The following BTF3L4 variants were observed in gnomAD, a reference collection of about 807,000 sequenced individuals.
The protein encoded by BTF3L4 is basic transcription factor 3 like 4.
BTF3L4 carries 6 observed loss-of-function variants against 16.8 expected under a neutral mutation model. The ratio of observed to expected loss-of-function variants is 0.36; its 90% CI spans 0.20 to 0.71. The LOEUF is 0.71. BTF3L4 is among the 30% of genes least tolerant of loss of function. The probability of loss-of-function intolerance (pLI) is 0.58; values close to 1 mark genes in which losing one functional copy is unlikely to be tolerated. For synonymous variants in BTF3L4, 39 were observed against 59.8 expected (o/e 0.65, Z 1.60); for missense variants, 92 against 186.9 (o/e 0.49, Z 2.96).
intron 3 of BTF3L4, among the ~76,000 whole-genome samples, chr1:52,069,957 C>G (rs1446173244): frequency 6.6e-6 from 1 of 152,114 alleles, no homozygotes; most frequent in African/African-American, 2.4e-5. Context: ...TGGCTCACTC[C>G]TGTAATCGTA....
chr1:52,085,684 T>C (rs1288506441), intron 4 of BTF3L4, among the ~76,000 whole-genome samples: 1 of 151,984 alleles, frequency 6.6e-6, no homozygotes, highest in Non-Finnish European at 1.5e-5. Flanking sequence ...ACCCCATCTC[T>C]ACTAAAAATA....
chr1:52,086,564 C>A, intron 5 of BTF3L4, 148 bp from the exon 6 acceptor site: 1 of 535,576 alleles, frequency 1.9e-6, no homozygotes, highest in Non-Finnish European at 3.4e-6. Flanking sequence ...AGTAAAATGC[C>A]ACCAGTTCAT....
chr1:52,072,954 A>G (rs1686829430), intron 3 of BTF3L4, among the ~76,000 whole-genome samples: 1 of 152,224 alleles, frequency 6.6e-6, no homozygotes. Context: ...GCTACTCAGG[A>G]GGCTAAGGCA....
chr1:52,075,671 A>G (rs992702628), intron 3 of BTF3L4, among the ~76,000 whole-genome samples: 1 of 149,676 alleles, frequency 6.7e-6, no homozygotes, highest in African/African-American at 2.4e-5. Context: ...ATTTTTATAT[A>G]TATAAATCTG....
intron 1 of BTF3L4, among the ~76,000 whole-genome samples, chr1:52,057,970 A>G (rs1025502012): frequency 6.6e-6 from 1 of 152,194 alleles, no homozygotes; most frequent in Non-Finnish European, 1.5e-5. Context: ...TGTTACTTCA[A>G]AATGCAGAAG....
At chr1:52,075,884 T>A (rs960574472) in intron 3 of BTF3L4, among the ~76,000 whole-genome samples, 1 of 151,964 alleles carries the variant, frequency 6.6e-6, no homozygotes, top group Non-Finnish European at 1.5e-5. Context: ...AGGCTGGCCT[T>A]GAACTCCTGA....
At chr1:52,079,905 T>C (rs1282042357) in intron 3 of BTF3L4, among the ~76,000 whole-genome samples, 5 of 149,438 alleles carry the variant, frequency 3.3e-5, no homozygotes, top group African/African-American at 7.4e-5. Context: ...AGGGTCTCGC[T>C]CTGTCGCCCA....
At chr1:52,063,245 A>G (rs1446107304) in intron 2 of BTF3L4, among the ~76,000 whole-genome samples, 1 of 152,226 alleles carries the variant, frequency 6.6e-6, no homozygotes, top group Non-Finnish European at 1.5e-5. Context: ...TGGTACCACC[A>G]GCTACAAAAG....
chr1:52,061,487 C>CAAAAAA (rs1169709967), intron 2 of BTF3L4, among the ~76,000 whole-genome samples: 2 of 48,180 alleles, frequency 4.2e-5, no homozygotes, highest in African/African-American at 1.4e-4. Context: ...GACTCCGTCT[C>CAAAAAA]AAAAAAAAAA....
chr1:52,090,244 G>A lies in BTF3L4; in HGVS notation c.*3486G>A, dbSNP rs1056644. The A allele has an allele frequency of 6.6e-6, 1 of 152,154 alleles. No homozygotes were observed. Among genetic ancestry groups the A allele is most frequent in the Admixed American group, 6.6e-5 (1 of 15,258 alleles). The allele number at this position is 152,154 out of a possible 1,614,324, so 9.4% of individuals were successfully genotyped here. The stretch of plus-strand genomic sequence containing the variant: ...GAGCCTCAGTTTTATCTATAAAATG[G>A]TACCTAGAAGAGTCATGATTTCTTA... On this transcript the variant is annotated 3_prime_UTR_variant, in exon 6 of 6. Coordinates refer to ENST00000313334, the MANE Select transcript of BTF3L4 (RefSeq NM_152265.5).
chr1:52,087,010 G>T lies in BTF3L4; in HGVS notation c.*252G>T, dbSNP rs1388703580. The T allele has an allele frequency of 2.2e-5, 8 of 361,376 alleles. No homozygotes were observed. The highest frequency in any genetic ancestry group is 1.5e-4 in the South Asian group (2 of 13,184). The allele number at this position is 361,376 out of a possible 1,614,324, so 22.4% of individuals were successfully genotyped here. On this transcript the variant is annotated 3_prime_UTR_variant, in exon 6 of 6. Coordinates refer to ENST00000313334, the MANE Select transcript of BTF3L4 (RefSeq NM_152265.5). The stretch of plus-strand genomic sequence containing the variant: ...AGGGTGTTTTGGTTTTTGATTCCTG[G>T]TTTTTTTGTTTTTTGTTTGGGGTAT...
intron 2 of BTF3L4, among the ~76,000 whole-genome samples, chr1:52,063,777 T>G (rs1304193071): frequency 6.6e-6 from 1 of 152,238 alleles, no homozygotes; most frequent in East Asian, 1.9e-4. Flanking sequence ...CCAAATGTCC[T>G]CTTTTTCTCA....
At chr1:52,079,178 A>G (rs1438960543) in intron 3 of BTF3L4, among the ~76,000 whole-genome samples, 1 of 152,154 alleles carries the variant, frequency 6.6e-6, no homozygotes, top group Non-Finnish European at 1.5e-5. Context: ...CAGAAGCTTT[A>G]TATAACCATG....
Position 52,078,974 on chromosome 1 carries a change from T to C in BTF3L4, c.169-4366T>C, listed in dbSNP as rs372157195. Among the ~76,000 whole-genome samples the C allele has an allele frequency of 4.5e-4, 68 of 152,308 alleles. 1 individual carries two copies. In the South Asian group the frequency reaches 0.014, roughly 31 times the overall value. On this transcript the variant is annotated intron_variant, in intron 3 of 5. Transcript: ENST00000313334. ...CCTTGTTCTTATATTGTACATATAT[T>C]ATATGGCTTACTCAAACCACACAGT...
At position 52,085,958 on chromosome 1, in the gene BTF3L4, C is replaced by G. The variant is rs572134826; in HGVS notation, c.371-154C>G. ...TTAAAGTTTTATTTTTAATGTTACT[C>G]AAGCAAAAAATATGAATGGCATTTT... On this transcript the variant is annotated intron_variant, in intron 4 of 5. Coordinates refer to ENST00000313334, the MANE Select transcript of BTF3L4 (RefSeq NM_152265.5). Among the ~76,000 whole-genome samples the G allele has an allele frequency of 1.2e-4, 18 of 152,188 alleles. No individual in the cohort carries two copies. The South Asian group carries it at 3.3e-3, about 28-fold the overall frequency.
intron 3 of BTF3L4, chr1:52,071,272 T>C (rs1284778745): frequency 6.6e-6 from 1 of 152,238 alleles, no homozygotes; most frequent in Non-Finnish European, 1.5e-5. Flanking sequence ...AGAGGACAGC[T>C]TCTGTCTTAA....
chr1:52,063,886 G>A (rs185708746), intron 2 of BTF3L4, among the ~76,000 whole-genome samples: 2 of 152,200 alleles, frequency 1.3e-5, no homozygotes, highest in African/African-American at 2.4e-5. Context: ...TGGCCAGGAC[G>A]GCTACAGGAG....
chr1:52,059,973 G>A, intron 2 of BTF3L4, 72 bp downstream of exon 2: 1 of 1,414,328 alleles, frequency 7.1e-7, no homozygotes, highest in Non-Finnish European at 9.7e-7. Context: ...TCGGATTTGT[G>A]GTCATTGAAA....
rs1274113414 is a variant in BTF3L4, at chr1:52,083,326, C to T, written c.169-14C>T. The T allele has an allele frequency of 2.5e-6, 4 of 1,607,594 alleles. No homozygotes were observed. The African/African-American group carries it at 5.4e-5, about 22-fold the overall frequency. On this transcript the variant is annotated splice_polypyrimidine_tract_variant and intron_variant, in intron 3 of 5. Coordinates refer to ENST00000313334, the MANE Select transcript of BTF3L4 (RefSeq NM_152265.5). Reference sequence around the variant, plus strand: ...CTAGCATGTGAAGTACATTTTTCTTCTGTGATCATACAGGTGAACATGATT... The same window carrying T: ...CTAGCATGTGAAGTACATTTTTCTTTTGTGATCATACAGGTGAACATGATT...
Sources: allele counts gnomAD v4.1 joint callset (sites outside exome capture counted in the v4.1 genomes callset), GRCh38; gene constraint gnomAD v4.1.1; transcripts MANE v1.5; gene names NCBI Gene and HGNC (gene_info 2026-07-23, HGNC 2026-07-21).